Variants in ABCC8 observed in about 807,000 individuals in gnomAD.
The protein encoded by ABCC8 is ATP binding cassette subfamily C member 8, also known as ATP-binding cassette sub-family C member 8.
In ABCC8, 137 loss-of-function variants were observed where a neutral mutation model predicts 188.0. That is an observed-to-expected ratio of 0.73 (90% CI 0.63 to 0.84). ABCC8 has a LOEUF of 0.84. ABCC8 is among the 40% of genes least tolerant of loss of function. ABCC8 has a pLI of 0.00. For synonymous variants in ABCC8, 797 were observed against 846.5 expected (o/e 0.94, Z 1.01); for missense variants, 1,750 against 2,072.7 (o/e 0.84, Z 3.02).
chr11:17,450,248 CTT>C (rs1229779086), intron 7 of ABCC8, among the ~76,000 whole-genome samples: 1 of 52,076 alleles, frequency 1.9e-5, no homozygotes. Context: ...TTTTCTTTTT[CTT>C]TCTTTCTTTC....
chr11:17,435,758 CT>C, intron 10 of ABCC8: 2 of 1,348,702 alleles, frequency 1.5e-6, no homozygotes, highest in Non-Finnish European at 2.1e-6. Context: ...ATCTTCAGGC[CT>C]TTTCCTAGGT....
downstream of ABCC8, chr11:17,392,850 C>T (rs576302727): frequency 3.4e-5 from 35 of 1,025,996 alleles, no homozygotes; most frequent in East Asian, 7.7e-5. Context: ...CACCATCCAC[C>T]GCCAGCCCCT....
At chr11:17,453,456 A>C in intron 6 of ABCC8, 173 bp from the exon 7 acceptor site, 1 of 383,768 alleles carries the variant, frequency 2.6e-6, no homozygotes, top group Non-Finnish European at 3.6e-6. Context: ...ATCCAACTAA[A>C]CGTTTTTCTA....
At chr11:17,452,986 A>G in intron 7 of ABCC8, 133 bp downstream of exon 7, 2 of 916,112 alleles carry the variant, frequency 2.2e-6, no homozygotes, top group Non-Finnish European at 3.5e-6. Context: ...GTTTTAAAAC[A>G]TCGTTAATGG....
Position 17,448,304 on chromosome 11 carries a change from G to A in ABCC8, c.1332+212C>T, listed in dbSNP as rs78418682. ...CCATTTTTAAAGTCTTAATGATACTGCCTTCTCTGGTCATTAAGAGAGATG... is the reference window on the plus strand; with the variant it reads ...CCATTTTTAAAGTCTTAATGATACTACCTTCTCTGGTCATTAAGAGAGATG... On this transcript the variant is annotated intron_variant, in intron 8 of 38. Coordinates refer to ENST00000389817, the MANE Select transcript of ABCC8 (RefSeq NM_000352.6). The A allele has an allele frequency of 0.031, 18,101 of 590,104 alleles. 372 individuals carry two copies. Among genetic ancestry groups the A allele is most frequent in the Non-Finnish European group, 0.04 (12,984 of 327,284 alleles). 36.6% of individuals were successfully genotyped at this position (590,104 alleles called of 1,614,324 possible).
intron 10 of ABCC8, among the ~76,000 whole-genome samples, chr11:17,438,492 G>A (rs139949817): frequency 3.1e-4 from 47 of 152,292 alleles, no homozygotes; most frequent in African/African-American, 1.1e-3. Flanking sequence ...CAGAGGAAGC[G>A]CTCTGGAATG....
intron 1 of ABCC8, 152 bp from the exon 2 acceptor site, chr11:17,475,179 G>T (rs987936315): frequency 1.7e-5 from 20 of 1,177,034 alleles, no homozygotes; most frequent in Non-Finnish European, 2.3e-5. Context: ...CAAACTAAAC[G>T]TCCAACTCAT....
Position 17,474,909 on chromosome 11 carries a change from A to C in ABCC8, c.267T>G (p.Ile89Met). 1 of 1,614,128 alleles carries C rather than the reference A, an allele frequency of 6.2e-7. No individual in the cohort carries two copies. The highest frequency in any genetic ancestry group is 8.5e-7 in the Non-Finnish European group (1 of 1,180,032). ...ACCCATCAGACAGGATGCCCTCTGCAATCTCACACACCAGGACGAAGAGCA... is the reference window on the plus strand; with the variant it reads ...ACCCATCAGACAGGATGCCCTCTGCCATCTCACACACCAGGACGAAGAGCA... The part of the protein sequence containing the change: ...FMLLFVLVCE[I>M]AEGILSDGVT... The change falls in exon 2 of 39, where the codon ATT becomes ATG. Residue 89 changes from isoleucine to methionine, a missense_variant. Physicochemically the swap from Ile to Met is conservative, Grantham distance 10 (BLOSUM62 1). Transcript: ENST00000389817.
chr11:17,454,767 T>C (rs1291867047), intron 6 of ABCC8, among the ~76,000 whole-genome samples: 2 of 152,156 alleles, frequency 1.3e-5, no homozygotes, highest in African/African-American at 4.8e-5. Flanking sequence ...CACATGCTGG[T>C]AAGGGGACAA....
chr11:17,404,471 A>G lies in ABCC8; in HGVS notation c.3557+41T>C, dbSNP rs1300068824. On this transcript the variant is annotated intron_variant, in intron 28 of 38. Transcript: ENST00000389817. This position sits in a 1 kb window ranked among gnomAD's most constrained non-coding sequence, Gnocchi z 4.7. ...GTCTAGCAAGTACACCAAACTGCAC[A>G]TTGCAAAGCACCTCCCACCCCTCAC... The G allele has an allele frequency of 1.3e-6, 2 of 1,576,762 alleles. No individual in the cohort carries two copies. Among genetic ancestry groups the G allele is most frequent in the Non-Finnish European group, 1.7e-6 (2 of 1,145,988 alleles).
intron 16 of ABCC8, among the ~76,000 whole-genome samples, chr11:17,422,701 A>G (rs1955401185): frequency 2.0e-5 from 3 of 152,100 alleles, no homozygotes; most frequent in Admixed American, 6.6e-5. Flanking sequence ...TCCCCAATCC[A>G]TCATCCTTTA....
rs1474324234 is a variant in ABCC8 at position 17,460,624 on chromosome 11, C to T, written c.875G>A (p.Ser292Asn). The T allele has an allele frequency of 5.0e-6, 8 of 1,612,456 alleles. No homozygotes were observed. The highest frequency in any genetic ancestry group is 6.8e-6 in the Non-Finnish European group (8 of 1,180,040). ...GACCAGGCGCCTCCCGAAGGCATGG[C>T]TGAGTGCCTGCCAGATGGCCCGGGC... ...QGARAIWQALSHAFGRRLVLS... is the reference protein window; with the variant it reads ...QGARAIWQALNHAFGRRLVLS... The change falls in exon 6 of 39, where the codon AGC (serine) becomes AAC (asparagine). Residue 292 changes from serine (S) to asparagine (N), a missense_variant. Physicochemically the swap from Ser to Asn is conservative, Grantham distance 46. Coordinates refer to ENST00000389817, the MANE Select transcript of ABCC8 (RefSeq NM_000352.6).
At chr11:17,449,728 C>T (rs1956686254) in intron 7 of ABCC8, among the ~76,000 whole-genome samples, 1 of 152,208 alleles carries the variant, frequency 6.6e-6, no homozygotes, top group African/African-American at 2.4e-5. Context: ...GGTGGGCTCC[C>T]CGCCCTTAAT....
intron 7 of ABCC8, 23 bp downstream of exon 7, chr11:17,453,096 T>C: frequency 6.3e-7 from 1 of 1,590,188 alleles, no homozygotes; most frequent in Non-Finnish European, 8.6e-7. Flanking sequence ...TATGGCAAAG[T>C]GAAAAAATAA....
intron 22 of ABCC8, among the ~76,000 whole-genome samples, chr11:17,409,431 T>C (rs1449512011): frequency 6.6e-6 from 1 of 152,210 alleles, no homozygotes; most frequent in Non-Finnish European, 1.5e-5. Context: ...TTCCTCAGGA[T>C]TGTCCTGAAC....
intron 2 of ABCC8, among the ~76,000 whole-genome samples, chr11:17,471,606 T>G (rs1298878476): frequency 6.6e-6 from 1 of 152,242 alleles, no homozygotes; most frequent in Non-Finnish European, 1.5e-5. Flanking sequence ...TTGGTCCACG[T>G]ATTCTGGCCA....
At chr11:17,403,066 A>C (rs1411784095) in intron 28 of ABCC8, among the ~76,000 whole-genome samples, 1 of 152,340 alleles carries the variant, frequency 6.6e-6, no homozygotes, top group East Asian at 1.9e-4. Context: ...AGCTGAGCTA[A>C]GGCTGGGCAG....
intron 4 of ABCC8, among the ~76,000 whole-genome samples, chr11:17,462,294 C>T (rs1957223108): frequency 6.6e-6 from 1 of 152,182 alleles, no homozygotes. Context: ...TCACAGGGTT[C>T]CTGTGAGGGT....
chr11:17,472,106 C>T (rs955897868), intron 2 of ABCC8, among the ~76,000 whole-genome samples: 2 of 151,758 alleles, frequency 1.3e-5, no homozygotes, highest in African/African-American at 4.8e-5. Flanking sequence ...GATATAAATG[C>T]TTTTTTTTGC....
Sources: gnomAD v4.1 joint callset for allele counts (sites outside exome capture counted in the v4.1 genomes callset) on GRCh38, gnomAD v4.1.1 for gene constraint, Gnocchi (gnomAD v3.1) non-coding constraint, MANE v1.5 for transcripts, NCBI Gene and HGNC (gene_info 2026-07-23, HGNC 2026-07-21) for gene names.